PLA2G4A: variants seen among roughly 807,000 people sequenced by gnomAD.
PLA2G4A encodes the protein phospholipase A2 group IVA, also known as cytosolic phospholipase A2.
PLA2G4A carries 40 observed loss-of-function variants against 81.9 expected under a neutral mutation model. The observed-to-expected ratio is 0.49, with a 90% CI of 0.38 to 0.64. The LOEUF (loss-of-function observed/expected upper bound fraction) is 0.64. PLA2G4A is among the 30% of genes least tolerant of loss of function. PLA2G4A has a pLI of 0.00. For missense variants in PLA2G4A, 715 were observed against 905.1 expected (o/e 0.79, Z 2.69); for synonymous variants, 302 against 296.9 (o/e 1.02, Z -0.18).
At chr1:186,915,815 T>C (rs1301244003) in intron 7 of PLA2G4A, among the ~76,000 whole-genome samples, 1 of 152,174 alleles carries the variant, frequency 6.6e-6, no homozygotes, top group Non-Finnish European at 1.5e-5. Flanking sequence ...TTATACAGTT[T>C]CTGTCCCAGA....
At chr1:186,891,236 TGTAAA>T (rs1226308353) in intron 3 of PLA2G4A, among the ~76,000 whole-genome samples, 2 of 152,162 alleles carry the variant, frequency 1.3e-5, no homozygotes, top group African/African-American at 4.8e-5. Context: ...AGGTATGCAG[TGTAAA>T]GTAATCACAT....
intron 10 of PLA2G4A, among the ~76,000 whole-genome samples, chr1:186,945,319 G>T (rs1257195694): frequency 6.6e-6 from 1 of 152,126 alleles, no homozygotes; most frequent in Non-Finnish European, 1.5e-5. Context: ...GAGGGATGTG[G>T]TCACATCACA....
At chr1:186,897,854 G>A (rs1459181253) in intron 5 of PLA2G4A, among the ~76,000 whole-genome samples, 2 of 152,112 alleles carry the variant, frequency 1.3e-5, no homozygotes, top group Non-Finnish European at 2.9e-5. Context: ...GTACAGGTTT[G>A]TTATATGGGT....
chr1:186,946,531 C>A (rs10911965), intron 10 of PLA2G4A, 106 bp from the exon 11 acceptor site: 788,560 of 830,478 alleles, frequency 0.95, 374,613 homozygotes, highest in East Asian at 1. Flanking sequence ...ATTTTAAATA[C>A]ATGAATGAGA....
At chr1:186,951,345 A>G (rs1656553694) in intron 13 of PLA2G4A, among the ~76,000 whole-genome samples, 1 of 152,106 alleles carries the variant, frequency 6.6e-6, no homozygotes, top group African/African-American at 2.4e-5. Flanking sequence ...TGAGGATCAG[A>G]TTTGCAACAA....
intron 1 of PLA2G4A, among the ~76,000 whole-genome samples, chr1:186,829,875 G>T (rs1271744254): frequency 6.6e-6 from 1 of 152,210 alleles, no homozygotes; most frequent in Non-Finnish European, 1.5e-5. Flanking sequence ...GATGATGTCA[G>T]CATTTATTCA....
intron 1 of PLA2G4A, among the ~76,000 whole-genome samples, chr1:186,840,828 C>T (rs1307806375): frequency 6.6e-6 from 1 of 152,152 alleles, no homozygotes; most frequent in Non-Finnish European, 1.5e-5. Flanking sequence ...GACTCTGTCA[C>T]TTAAAAAAGG....
At chr1:186,860,227 G>T (rs1260353927) in intron 2 of PLA2G4A, among the ~76,000 whole-genome samples, 2 of 152,034 alleles carry the variant, frequency 1.3e-5, no homozygotes, top group Non-Finnish European at 2.9e-5. Flanking sequence ...TTTATTATGA[G>T]ACATTAATTA....
chr1:186,955,441 A>G (rs1431200496), intron 13 of PLA2G4A, among the ~76,000 whole-genome samples: 1 of 152,140 alleles, frequency 6.6e-6, no homozygotes, highest in Non-Finnish European at 1.5e-5. Flanking sequence ...TTCTGTGTGT[A>G]AGTTATATGT....
chr1:186,933,362 T>C (rs1655822109), intron 8 of PLA2G4A, among the ~76,000 whole-genome samples: 1 of 152,058 alleles, frequency 6.6e-6, no homozygotes, highest in South Asian at 2.1e-4. Flanking sequence ...AAGAAAACAA[T>C]TTTTTTGAAT....
chr1:186,951,845 G>C (rs527521602), intron 13 of PLA2G4A, among the ~76,000 whole-genome samples: 3 of 152,106 alleles, frequency 2.0e-5, no homozygotes, highest in South Asian at 4.2e-4. Flanking sequence ...GCTTTCATCT[G>C]GGCATGAGGC....
At chr1:186,960,134 T>A (rs537905571) in intron 14 of PLA2G4A, among the ~76,000 whole-genome samples, 1 of 152,310 alleles carries the variant, frequency 6.6e-6, no homozygotes, top group Admixed American at 6.5e-5. Flanking sequence ...ATGTGTTTAC[T>A]GCAAAATAGT....
At chr1:186,870,575 CT>C (rs1653223337) in intron 3 of PLA2G4A, 59 bp downstream of exon 3, 9 of 1,251,504 alleles carry the variant, frequency 7.2e-6, no homozygotes, top group Non-Finnish European at 1.1e-5. Flanking sequence ...CCTTTAATTG[CT>C]TGAGTTCCTT....
chr1:186,908,307 T>C (rs1349431953), intron 6 of PLA2G4A, among the ~76,000 whole-genome samples: 1 of 152,036 alleles, frequency 6.6e-6, no homozygotes, highest in Non-Finnish European at 1.5e-5. Flanking sequence ...TCTAGGTCAT[T>C]ATACTGTTCA....
chr1:186,861,707 T>C (rs2102042160), intron 2 of PLA2G4A, among the ~76,000 whole-genome samples: 1 of 152,228 alleles, frequency 6.6e-6, no homozygotes, highest in African/African-American at 2.4e-5. Context: ...CATTCAACAC[T>C]GCCCTATGTG....
intron 5 of PLA2G4A, among the ~76,000 whole-genome samples, chr1:186,899,056 C>T (rs1207356319): frequency 6.6e-6 from 1 of 152,026 alleles, no homozygotes; most frequent in Non-Finnish European, 1.5e-5. Context: ...AGATGAAAAG[C>T]AAGGTAAATA....
intron 14 of PLA2G4A, among the ~76,000 whole-genome samples, chr1:186,959,853 A>C (rs1450631424): frequency 6.6e-6 from 1 of 152,178 alleles, no homozygotes; most frequent in Non-Finnish European, 1.5e-5. Context: ...AACTTATTTA[A>C]AACATTAATT....
chr1:186,932,300 T>C (rs1295291397), intron 7 of PLA2G4A, among the ~76,000 whole-genome samples: 1 of 151,026 alleles, frequency 6.6e-6, no homozygotes, highest in Non-Finnish European at 1.5e-5. Context: ...TTTTCTTTTT[T>C]TTTTTTTCTT....
chr1:186,935,251 T>C (rs1385686836), intron 8 of PLA2G4A, among the ~76,000 whole-genome samples: 1 of 151,654 alleles, frequency 6.6e-6, no homozygotes, highest in Non-Finnish European at 1.5e-5. Flanking sequence ...AAACATGAGA[T>C]TGTAAAAAAT....
Sources: allele counts gnomAD v4.1 joint callset (sites outside exome capture counted in the v4.1 genomes callset), GRCh38; gene constraint gnomAD v4.1.1; transcripts MANE v1.5; gene names NCBI Gene and HGNC (gene_info 2026-07-23, HGNC 2026-07-21).